The following PTPRO variants were observed in gnomAD, a reference collection of about 807,000 sequenced individuals.
PTPRO encodes protein tyrosine phosphatase receptor type O, also known as receptor-type tyrosine-protein phosphatase O.
In PTPRO, 62 loss-of-function variants were observed where a neutral mutation model predicts 145.2. The ratio of observed to expected loss-of-function variants is 0.43; its 90% confidence interval spans 0.35 to 0.53. The LOEUF (loss-of-function observed/expected upper bound fraction) is 0.53, where lower values mean the gene tolerates loss of function less well. Among genes scored for constraint, PTPRO ranks in the 20% least tolerant of loss-of-function variants. PTPRO has a pLI of 0.01. For synonymous variants in PTPRO, 565 were observed against 514.7 expected, an observed-to-expected ratio of 1.10 and a Z score of -1.32; for missense variants, 1,345 against 1,482.7, an observed-to-expected ratio of 0.91 and a Z score of 1.53.
intron 22 of PTPRO, 137 bp from the exon 23 acceptor site, chr12:15,581,542 G>GTTT: frequency 1.2e-6 from 1 of 865,064 alleles, no homozygotes; most frequent in Non-Finnish European, 1.8e-6. Flanking sequence ...TAGCAGAAAT[G>GTTT]GTTTGCTTTA....
At chr12:15,454,324 A>G (rs914633507) in intron 1 of PTPRO, among the ~76,000 whole-genome samples, 4 of 152,136 alleles carry the variant, frequency 2.6e-5, no homozygotes, top group African/African-American at 9.7e-5. Context: ...GATGTTGAGC[A>G]TTTTTCCATA....
intron 1 of PTPRO, among the ~76,000 whole-genome samples, chr12:15,408,189 T>C (rs1006212921): frequency 2.6e-5 from 4 of 152,126 alleles, no homozygotes; most frequent in Non-Finnish European, 5.9e-5. Flanking sequence ...TCATTATTGG[T>C]CTCTACTAGA....
intron 6 of PTPRO, among the ~76,000 whole-genome samples, chr12:15,505,163 A>G (rs1942296879): frequency 6.6e-6 from 1 of 152,206 alleles, no homozygotes; most frequent in Admixed American, 6.5e-5. Context: ...TCCACCGCAC[A>G]TGTGAACAGC....
At chr12:15,585,785 T>C (rs1209966906) in intron 23 of PTPRO, among the ~76,000 whole-genome samples, 2 of 152,132 alleles carry the variant, frequency 1.3e-5, no homozygotes, top group African/African-American at 4.8e-5. Context: ...AGCCTGGGTT[T>C]GGGATATTTC....
intron 5 of PTPRO, among the ~76,000 whole-genome samples, chr12:15,502,784 T>C (rs1942248014): frequency 1.3e-5 from 2 of 152,182 alleles, no homozygotes; most frequent in Admixed American, 6.6e-5. Context: ...TAGATTTTTA[T>C]GGTTATTTGT....
At chr12:15,324,207 G>A (rs189753976) in intron 1 of PTPRO, among the ~76,000 whole-genome samples, 6 of 152,238 alleles carry the variant, frequency 3.9e-5, no homozygotes, top group African/African-American at 1.4e-4. Context: ...TAATTGTCAT[G>A]AACCAAAAAT....
chr12:15,420,508 G>C (rs942393538), intron 1 of PTPRO, among the ~76,000 whole-genome samples: 1 of 151,634 alleles, frequency 6.6e-6, no homozygotes, highest in African/African-American at 2.4e-5. Flanking sequence ...TCAGGCACCT[G>C]TTCCTTCCCG....
At chr12:15,579,380 A>T (rs1415334739) in intron 20 of PTPRO, among the ~76,000 whole-genome samples, 3 of 152,250 alleles carry the variant, frequency 2.0e-5, no homozygotes, top group Non-Finnish European at 4.4e-5. Flanking sequence ...ATTCAAGGAA[A>T]AAAAGGTAAT....
chr12:15,350,001 G>A (rs1296148804), intron 1 of PTPRO, among the ~76,000 whole-genome samples: 1 of 152,170 alleles, frequency 6.6e-6, no homozygotes, highest in African/African-American at 2.4e-5. Context: ...GTATTGGATA[G>A]CCAGGTAGAG....
rs905803930 is a variant in PTPRO, at chr12:15,549,349, T to C, written c.2437+123T>C. On this transcript the variant is annotated intron_variant, in intron 14 of 26. Transcript: ENST00000281171. ...GGAGTCAGAGAGTCCTTAATTTCAA[T>C]CCCAAAGTGCACTTACTAGCTATGG... The C allele has an allele frequency of 2.7e-5, 21 of 768,932 alleles. No individual in the cohort carries two copies. In the African/African-American group the frequency reaches 3.4e-4, roughly 12 times the overall value. 47.6% of individuals were successfully genotyped at this position (768,932 alleles called of 1,614,324 possible). A position where few individuals can be genotyped will look rare whatever the true frequency, so the allele number is the denominator to read the frequency against.
At position 15,548,970 on chromosome 12, in the gene PTPRO, C is replaced by T. The variant is rs1040085194; in HGVS notation, c.2305-124C>T. 6 of 1,079,930 alleles carry T rather than the reference C, an allele frequency of 5.6e-6. No homozygotes were observed. The African/African-American group carries it at 6.4e-5, about 12-fold the overall frequency. The allele number at this position is 1,079,930 out of a possible 1,614,324, so 66.9% of individuals were successfully genotyped here. A position where few individuals can be genotyped will look rare whatever the true frequency, so the allele number is the denominator to read the frequency against. ...GGAAAAAAGGAAACATTTTTCAATG[C>T]TATTCTTTGTCATCTTATACATTTT... On this transcript the variant is annotated intron_variant, in intron 13 of 26. Coordinates refer to ENST00000281171, the MANE Select transcript of PTPRO (RefSeq NM_030667.3).
Position 15,322,709 on chromosome 12 carries a change from GT to G in PTPRO, c.-17del. 1 of 1,607,024 alleles carries G rather than the reference GT, an allele frequency of 6.2e-7. No individual in the cohort carries two copies. The highest frequency in any genetic ancestry group is 8.5e-7 in the Non-Finnish European group (1 of 1,176,718). On this transcript the variant is annotated 5_prime_UTR_variant, in exon 1 of 27. Transcript: ENST00000281171. This position sits in a 1 kb window ranked among gnomAD's most constrained non-coding sequence, Gnocchi z 6.3. ...TCCGCTAGCGCAGCCGTGCCCCCGA[GT>G]CCCCGTCCGCGCAGCGATGGGGCAC...
At chr12:15,443,331 T>C (rs1174524588) in intron 1 of PTPRO, among the ~76,000 whole-genome samples, 3 of 151,974 alleles carry the variant, frequency 2.0e-5, no homozygotes, top group Non-Finnish European at 4.4e-5. Context: ...TACAATTAAC[T>C]GTATACAAAA....
chr12:15,427,392 C>T (rs1940313477), intron 1 of PTPRO, among the ~76,000 whole-genome samples: 1 of 151,854 alleles, frequency 6.6e-6, no homozygotes, highest in African/African-American at 2.4e-5. Context: ...AATAAAATTT[C>T]TAATTGTATC....
chr12:15,466,551 T>C (rs1187342382), intron 1 of PTPRO, among the ~76,000 whole-genome samples: 1 of 152,216 alleles, frequency 6.6e-6, no homozygotes, highest in Non-Finnish European at 1.5e-5. Flanking sequence ...TAATATGCAT[T>C]AAATGTAATT....
At chr12:15,421,812 A>T (rs1029329699) in intron 1 of PTPRO, among the ~76,000 whole-genome samples, 18 of 152,194 alleles carry the variant, frequency 1.2e-4, no homozygotes, top group Non-Finnish European at 2.1e-4. Flanking sequence ...ATATTGTTAA[A>T]TTCTGGAGTG....
chr12:15,575,408 C>G (rs1944160206), intron 19 of PTPRO, among the ~76,000 whole-genome samples: 1 of 152,198 alleles, frequency 6.6e-6, no homozygotes, highest in African/African-American at 2.4e-5. Flanking sequence ...ACCTGACTGT[C>G]TCAGGATCAG....
chr12:15,432,989 G>T (rs1282863953), intron 1 of PTPRO, among the ~76,000 whole-genome samples: 1 of 149,886 alleles, frequency 6.7e-6, no homozygotes, highest in Non-Finnish European at 1.5e-5. Context: ...GTTTGTTTTT[G>T]TTGTTGTTGT....
chr12:15,587,961 G>A (rs533134784), intron 24 of PTPRO, among the ~76,000 whole-genome samples: 2 of 152,358 alleles, frequency 1.3e-5, no homozygotes, highest in African/African-American at 4.8e-5. Flanking sequence ...TGTTTGTGTG[G>A]AGTGTGTGTC....
Sources: gnomAD v4.1 joint callset for allele counts (sites outside exome capture counted in the v4.1 genomes callset) on GRCh38, gnomAD v4.1.1 for gene constraint, Gnocchi (gnomAD v3.1) non-coding constraint, MANE v1.5 for transcripts, NCBI Gene and HGNC (gene_info 2026-07-23, HGNC 2026-07-21) for gene names.